LUZP2: variants seen among roughly 807,000 people sequenced by gnomAD.
LUZP2 encodes the protein leucine zipper protein 2.
In LUZP2, 52 loss-of-function variants were observed where a neutral mutation model predicts 51.6. The ratio of observed to expected loss-of-function variants is 1.01; its 90% CI spans 0.81 to 1.27. LUZP2 has a LOEUF of 1.27. Among genes scored for constraint, LUZP2 ranks in the 50% most tolerant of loss-of-function variants. The pLI is 0.00. For synonymous variants in LUZP2, 154 were observed against 137.3 expected (o/e 1.12, Z -0.85); for missense variants, 436 against 395.4 (o/e 1.10, Z -0.87).
intron 5 of LUZP2, among the ~76,000 whole-genome samples, chr11:24,856,061 T>C (rs1590645516): frequency 6.6e-6 from 1 of 152,040 alleles, no homozygotes; most frequent in African/African-American, 2.4e-5. Context: ...AATTCATGAC[T>C]AAGACCTTAA....
At chr11:24,810,392 AAC>A (rs1277648958) in intron 5 of LUZP2, among the ~76,000 whole-genome samples, 1 of 152,168 alleles carries the variant, frequency 6.6e-6, no homozygotes, top group Non-Finnish European at 1.5e-5. Context: ...TGAAGAAATA[AAC>A]ACATCTGTTG....
chr11:24,603,054 C>G (rs924507468), intron 1 of LUZP2, among the ~76,000 whole-genome samples: 4 of 151,764 alleles, frequency 2.6e-5, no homozygotes, highest in African/African-American at 9.7e-5. Context: ...TAGTTATTAT[C>G]TATTTTTGTA....
At chr11:24,597,557 G>A (rs953201830) in intron 1 of LUZP2, among the ~76,000 whole-genome samples, 1 of 152,134 alleles carries the variant, frequency 6.6e-6, no homozygotes, top group African/African-American at 2.4e-5. Flanking sequence ...GACATGATAT[G>A]CTTCCAGAAG....
chr11:24,829,894 A>G (rs1304964493), intron 5 of LUZP2, among the ~76,000 whole-genome samples: 1 of 152,216 alleles, frequency 6.6e-6, no homozygotes, highest in Non-Finnish European at 1.5e-5. Flanking sequence ...TGTGGATAAA[A>G]GAAACTTGTA....
rs375823499 is a variant in LUZP2 at position 24,604,872 on chromosome 11, G to T, written c.62+107567G>T. 4.6e-5 allele frequency among the ~76,000 whole-genome samples: 7 copies of T among 151,660 alleles called. No homozygotes were observed. The South Asian group carries it at 6.2e-4, about 13-fold the overall frequency. ...GATTTGGTGGAAGCAGCACCCAGTT[G>T]GTGTGCTATGTCTAATATGCAAAAT... On this transcript the variant is annotated intron_variant, in intron 1 of 11. Transcript: ENST00000336930.
chr11:25,075,756 A>G (rs895449982), intron 10 of LUZP2, among the ~76,000 whole-genome samples: 15 of 152,290 alleles, frequency 9.8e-5, no homozygotes, highest in African/African-American at 3.4e-4. Context: ...AAACGTACAG[A>G]TACATGGTTT....
chr11:24,822,570 G>A (rs1340110692), intron 5 of LUZP2, among the ~76,000 whole-genome samples: 1 of 151,996 alleles, frequency 6.6e-6, no homozygotes, highest in Non-Finnish European at 1.5e-5. Context: ...GATGGTTATT[G>A]TTCTTTTAGG....
intron 9 of LUZP2, among the ~76,000 whole-genome samples, chr11:25,039,845 G>A (rs1857985670): frequency 1.3e-5 from 2 of 152,138 alleles, no homozygotes; most frequent in African/African-American, 4.8e-5. Context: ...GGTAGAGCAA[G>A]GACAAGTATT....
intron 1 of LUZP2, among the ~76,000 whole-genome samples, chr11:24,659,132 T>C (rs186476468): frequency 6.4e-4 from 98 of 152,332 alleles, no homozygotes; most frequent in Middle Eastern, 3.4e-3. Context: ...ATATGTTTAT[T>C]GTGGCACTAT....
rs577597062 is a variant in LUZP2, at chr11:24,631,904, T to C, written c.63-97265T>C. Among the ~76,000 whole-genome samples the C allele has an allele frequency of 4.6e-5, 7 of 152,094 alleles. No homozygotes were observed. In the South Asian group the frequency reaches 1.5e-3, roughly 32 times the overall value. On this transcript the variant is annotated intron_variant, in intron 1 of 11. Coordinates refer to ENST00000336930, the MANE Select transcript of LUZP2 (RefSeq NM_001009909.4). Reference sequence around the variant, plus strand: ...TCAGGTTTTGGAGAATGCAAATTAATACAGGAAAGAGGGCATATGAATATA... The same window carrying C: ...TCAGGTTTTGGAGAATGCAAATTAACACAGGAAAGAGGGCATATGAATATA...
chr11:24,726,965 G>T (rs1396874094), intron 1 of LUZP2, among the ~76,000 whole-genome samples: 1 of 152,066 alleles, frequency 6.6e-6, no homozygotes, highest in African/African-American at 2.4e-5. Flanking sequence ...ATCTAAAGTA[G>T]TACTGTTAAT....
intron 2 of LUZP2, among the ~76,000 whole-genome samples, chr11:24,731,641 T>A (rs1004368614): frequency 1.3e-5 from 2 of 151,748 alleles, no homozygotes; most frequent in Non-Finnish European, 3.0e-5. Context: ...TGTCTTAATG[T>A]ATTACTCATA....
At chr11:25,068,091 C>T (rs1384405157) in intron 10 of LUZP2, among the ~76,000 whole-genome samples, 1 of 151,958 alleles carries the variant, frequency 6.6e-6, no homozygotes, top group Non-Finnish European at 1.5e-5. Flanking sequence ...CACATGTTCT[C>T]ACTCATAAGT....
chr11:25,065,183 G>T (rs1047430584), intron 10 of LUZP2, among the ~76,000 whole-genome samples: 1 of 151,964 alleles, frequency 6.6e-6, no homozygotes, highest in African/African-American at 2.4e-5. Flanking sequence ...GATGATTTTG[G>T]TCATGCATTG....
rs575242002 is a variant in LUZP2, at chr11:25,018,459, G to A, written c.766-31579G>A. On this transcript the variant is annotated intron_variant, in intron 9 of 11. Coordinates refer to ENST00000336930, the MANE Select transcript of LUZP2 (RefSeq NM_001009909.4). Reference sequence around the variant, plus strand: ...TGCATTATTTAGAATTCTCTCATAAGGAATATTTATCTCTTCTCCTCCATT... The same window carrying A: ...TGCATTATTTAGAATTCTCTCATAAAGAATATTTATCTCTTCTCCTCCATT... Among the ~76,000 whole-genome samples the A allele has an allele frequency of 6.6e-5, 10 of 151,966 alleles. No individual in the cohort carries two copies. The South Asian group carries it at 1.9e-3, about 28-fold the overall frequency.
chr11:24,904,356 C>G (rs1590711630), intron 5 of LUZP2, among the ~76,000 whole-genome samples: 1 of 152,178 alleles, frequency 6.6e-6, no homozygotes, highest in East Asian at 1.9e-4. Context: ...GATCTCGGCT[C>G]ACTGCAAGCT....
chr11:24,519,796 A>G lies in LUZP2; in HGVS notation c.62+22491A>G, dbSNP rs1428001479. On this transcript the variant is annotated intron_variant, in intron 1 of 11. Transcript: ENST00000336930. ...AATGATAATATGCATCTTTTTTAAAAAAGGCTTTTTTCAAAATAATTTTGC... is the reference window on the plus strand; with the variant it reads ...AATGATAATATGCATCTTTTTTAAAGAAGGCTTTTTTCAAAATAATTTTGC... Among the ~76,000 whole-genome samples the G allele has an allele frequency of 2.0e-5, 3 of 152,322 alleles. No homozygotes were observed. In the East Asian group the frequency reaches 5.8e-4, roughly 29 times the overall value.
intron 7 of LUZP2, among the ~76,000 whole-genome samples, chr11:24,942,424 T>C (rs1157414246): frequency 6.6e-6 from 1 of 152,190 alleles, no homozygotes; most frequent in African/African-American, 2.4e-5. Context: ...GACGAGCGTA[T>C]GGTTATAACC....
intron 10 of LUZP2, among the ~76,000 whole-genome samples, chr11:25,072,104 G>A (rs1859176081): frequency 2.0e-5 from 3 of 152,016 alleles, no homozygotes; most frequent in Non-Finnish European, 2.9e-5. Flanking sequence ...AACTTCCCCT[G>A]ATAGATAATT....
Sources: gnomAD v4.1 joint callset for allele counts (sites outside exome capture counted in the v4.1 genomes callset) on GRCh38, gnomAD v4.1.1 for gene constraint, MANE v1.5 for transcripts, NCBI Gene and HGNC (gene_info 2026-07-23, HGNC 2026-07-21) for gene names.